Variants in DOCK5 observed in about 807,000 individuals in gnomAD.
The protein encoded by DOCK5 is dedicator of cytokinesis 5.
Under a neutral mutation model 251.8 loss-of-function variants are expected in DOCK5, and 142 were observed. That is an observed-to-expected ratio of 0.56 (90% CI 0.49 to 0.65). The LOEUF (loss-of-function observed/expected upper bound fraction) is 0.65. Ranked by LOEUF, DOCK5 falls within the 30% of genes least tolerant of loss-of-function variation. The pLI, the probability that DOCK5 is intolerant of heterozygous loss-of-function variation, is 0.00. For synonymous variants in DOCK5, 842 were observed against 835.5 expected (o/e 1.01, Z -0.13); for missense variants, 2,111 against 2,312.3 (o/e 0.91, Z 1.79).
At chr8:25,392,774 A>G in intron 43 of DOCK5, 22 bp from the exon 44 acceptor site, 3 of 1,601,384 alleles carry the variant, frequency 1.9e-6, no homozygotes, top group Non-Finnish European at 2.6e-6. Context: ...CCAACATTTC[A>G]TGTTTTCCTT....
intron 2 of DOCK5, among the ~76,000 whole-genome samples, chr8:25,267,281 T>C (rs1803782304): frequency 6.6e-6 from 1 of 152,192 alleles, no homozygotes; most frequent in Non-Finnish European, 1.5e-5. Flanking sequence ...TGTGCCTTGA[T>C]GCAAGCCACA....
At chr8:25,397,606 T>C (rs1262929610) in intron 45 of DOCK5, among the ~76,000 whole-genome samples, 1 of 152,268 alleles carries the variant, frequency 6.6e-6, no homozygotes, top group Admixed American at 6.5e-5. Context: ...AAATAGGATC[T>C]AATATACACT....
Position 25,400,918 on chromosome 8 carries a change from C to G in DOCK5, c.4789-11C>G, listed in dbSNP as rs1202757565. 7 of 1,610,330 alleles carry G rather than the reference C, an allele frequency of 4.3e-6. No individual in the cohort carries two copies. The highest frequency in any genetic ancestry group is 1.7e-5 in the Admixed American group (1 of 58,962). On this transcript the variant is annotated splice_polypyrimidine_tract_variant and intron_variant, in intron 46 of 51. Transcript: ENST00000276440. Reference sequence around the variant, plus strand: ...AAGCACACTGCACTCATTTTTTGCCCTTCTTTCCAGATGCCCCTGCTAACA... The same window carrying G: ...AAGCACACTGCACTCATTTTTTGCCGTTCTTTCCAGATGCCCCTGCTAACA...
At chr8:25,344,929 C>A (rs908832287) in intron 25 of DOCK5, among the ~76,000 whole-genome samples, 2 of 152,086 alleles carry the variant, frequency 1.3e-5, no homozygotes, top group African/African-American at 2.4e-5. Context: ...AAATGTGTTA[C>A]AATAGCAAAG....
intron 2 of DOCK5, among the ~76,000 whole-genome samples, chr8:25,246,200 T>A (rs1205399447): frequency 2.6e-5 from 4 of 152,216 alleles, no homozygotes; most frequent in Non-Finnish European, 5.9e-5. Flanking sequence ...TTTGTCCTCC[T>A]GGCTCCACAA....
intron 45 of DOCK5, among the ~76,000 whole-genome samples, chr8:25,397,334 G>A (rs936385240): frequency 6.6e-6 from 1 of 152,232 alleles, no homozygotes; most frequent in East Asian, 1.9e-4. Context: ...TTGACATAGA[G>A]TCGAGGCTTC....
intron 47 of DOCK5, among the ~76,000 whole-genome samples, chr8:25,402,253 G>C (rs901577730): frequency 1.3e-5 from 2 of 152,072 alleles, no homozygotes; most frequent in Admixed American, 1.3e-4. Context: ...TCAGCTTCCT[G>C]AGTAGCTGGA....
chr8:25,240,723 C>T (rs770215295), intron 1 of DOCK5, among the ~76,000 whole-genome samples: 79 of 152,060 alleles, frequency 5.2e-4, no homozygotes, highest in Non-Finnish European at 1.0e-3. Context: ...TAAATTATTT[C>T]CATTTTGGGG....
At chr8:25,306,692 TG>T (rs1195004688) in intron 11 of DOCK5, among the ~76,000 whole-genome samples, 106 of 149,934 alleles carry the variant, frequency 7.1e-4, no homozygotes, top group African/African-American at 2.5e-3. Context: ...AGACTCCGTC[TG>T]AAAAAAAAAT....
chr8:25,228,871 C>CT (rs967298997), intron 1 of DOCK5, among the ~76,000 whole-genome samples: 1 of 151,928 alleles, frequency 6.6e-6, no homozygotes, highest in Non-Finnish European at 1.5e-5. Flanking sequence ...CGTAAGATTA[C>CT]TTTTTTTCCT....
intron 5 of DOCK5, among the ~76,000 whole-genome samples, chr8:25,287,287 T>TG (rs1414275188): frequency 6.6e-6 from 1 of 152,068 alleles, no homozygotes; most frequent in Non-Finnish European, 1.5e-5. Flanking sequence ...ATTATCTCAT[T>TG]GTGTGGTGTG....
intron 2 of DOCK5, among the ~76,000 whole-genome samples, chr8:25,258,097 C>G (rs1357200794): frequency 6.6e-6 from 1 of 152,094 alleles, no homozygotes; most frequent in Admixed American, 6.5e-5. Flanking sequence ...TATTTCCTTC[C>G]TCTCACTGAG....
At chr8:25,218,410 A>G (rs1802303779) in intron 1 of DOCK5, among the ~76,000 whole-genome samples, 1 of 152,088 alleles carries the variant, frequency 6.6e-6, no homozygotes, top group African/African-American at 2.4e-5. Flanking sequence ...CACCATGACC[A>G]CTGTGCTCTT....
In DOCK5 at chr8:25,345,694, T is replaced by C. The variant is rs987263609; in HGVS notation, c.2754+83T>C. On this transcript the variant is annotated intron_variant, in intron 26 of 51. Transcript: ENST00000276440. ...CAGGAGTGACTCCGTGGCCTTCCTA[T>C]TCTCAGGTAGTTTCCAGCTCCGGTA... The C allele has an allele frequency of 5.8e-6, 9 of 1,555,746 alleles. No homozygotes were observed. The East Asian group carries it at 2.0e-4, about 35-fold the overall frequency.
intron 45 of DOCK5, chr8:25,395,947 C>A (rs2117327052): frequency 6.3e-6 from 4 of 636,832 alleles, no homozygotes; most frequent in South Asian, 3.2e-5. Flanking sequence ...AGAAAAAAAA[C>A]CAACATGCCT....
In DOCK5 at chr8:25,359,036, C is replaced by T. The variant is rs779687564; in HGVS notation, c.2924C>T (p.Thr975Ile). Residue 975 changes from threonine to isoleucine, a missense_variant, in exon 28 of 52, where the codon ACT becomes ATT. This residue lies in a region of DOCK5 where 1,717 missense variants were observed against 1,892.4 expected (regional missense o/e 0.91). Transcript: ENST00000276440. ...DDSHYSHYIS[T>I]FKTRQDIIDF... Reference sequence around the variant, plus strand: ...AGCCACTATAGCCACTACATCAGCACTTTCAAAACCAGACAAGACATCATC... The same window carrying T: ...AGCCACTATAGCCACTACATCAGCATTTTCAAAACCAGACAAGACATCATC... The T allele has an allele frequency of 6.2e-7, 1 of 1,613,998 alleles. No individual in the cohort carries two copies. The highest frequency in any genetic ancestry group is 8.5e-7 in the Non-Finnish European group (1 of 1,179,872).
At chr8:25,326,950 A>G (rs1805579699) in intron 18 of DOCK5, among the ~76,000 whole-genome samples, 1 of 152,198 alleles carries the variant, frequency 6.6e-6, no homozygotes, top group African/African-American at 2.4e-5. Context: ...TTAACACTAT[A>G]TACAGTATGA....
chr8:25,361,223 T>C (rs1800672820), intron 28 of DOCK5, among the ~76,000 whole-genome samples: 1 of 152,176 alleles, frequency 6.6e-6, no homozygotes, highest in African/African-American at 2.4e-5. Flanking sequence ...ATAACAAGTA[T>C]CTAAATTCAA....
intron 45 of DOCK5, among the ~76,000 whole-genome samples, chr8:25,397,455 T>C (rs1470228735): frequency 6.6e-6 from 1 of 152,218 alleles, no homozygotes; most frequent in Non-Finnish European, 1.5e-5. Flanking sequence ...GTCTTCTTTC[T>C]GTCCTTTTTC....
Sources: gnomAD v4.1 joint callset for allele counts (sites outside exome capture counted in the v4.1 genomes callset) on GRCh38, gnomAD v4.1.1 for gene constraint, gnomAD v4.1.1 regional missense constraint, MANE v1.5 for transcripts, NCBI Gene and HGNC (gene_info 2026-07-23, HGNC 2026-07-21) for gene names.